The following PPP1R36 variants were observed in gnomAD, a reference collection of about 807,000 sequenced individuals.
PPP1R36 encodes protein phosphatase 1 regulatory subunit 36.
Under a neutral mutation model 53.4 loss-of-function variants are expected in PPP1R36, and 47 were observed. The observed-to-expected ratio is 0.88, with a 90% CI of 0.70 to 1.12. The LOEUF (loss-of-function observed/expected upper bound fraction) is 1.12. Ranked by LOEUF, PPP1R36 falls within the 50% of genes most tolerant of loss-of-function variation. The probability of loss-of-function intolerance (pLI) is 0.00; values close to 1 mark genes in which losing one functional copy is unlikely to be tolerated. For missense variants in PPP1R36, 456 were observed against 513.9 expected, an observed-to-expected ratio of 0.89 and a Z score of 1.09; for synonymous variants, 153 against 170.5, an observed-to-expected ratio of 0.90 and a Z score of 0.80.
At chr14:64,586,590 T>C (rs1225485102) in intron 8 of PPP1R36, 1 of 358,280 alleles carries the variant, frequency 2.8e-6, no homozygotes. Context: ...ATTTCCTCAC[T>C]GGTTTGTTTA....
Position 64,564,901 on chromosome 14 carries a change from C to G in PPP1R36, c.269+64C>G, listed in dbSNP as rs1002911217. 7.6e-6 allele frequency: 8 copies of G among 1,059,540 alleles called. No homozygotes were observed. In the African/African-American group the frequency reaches 1.3e-4, roughly 17 times the overall value. The allele number at this position is 1,059,540 out of a possible 1,614,324, so 65.6% of individuals were successfully genotyped here. A position where few individuals can be genotyped will look rare whatever the true frequency, so the allele number is the denominator to read the frequency against. On this transcript the variant is annotated intron_variant, in intron 4 of 11. Transcript: ENST00000298705. ...CATCTCTCAGTGGAATGGCTTCAGC[C>G]TTTACAAACTACGAAAATACCATTC...
At position 64,587,236 on chromosome 14, in the gene PPP1R36, C is replaced by T. The variant is rs186658496; in HGVS notation, c.754C>T (p.Arg252Ter). The T allele has an allele frequency of 9.6e-5, 155 of 1,613,058 alleles. No individual in the cohort carries two copies. In the East Asian group the frequency reaches 1.3e-3, roughly 13 times the overall value. The change falls in exon 10 of 12, where the codon CGA becomes TGA. Residue 252 changes from arginine to a stop codon, truncating the protein, a stop_gained. Coordinates refer to ENST00000298705, the MANE Select transcript of PPP1R36 (RefSeq NM_172365.3). LOFTEE classifies it high-confidence loss of function. ...FCTYVAWIVF[R>*]RQHLTEIEEE... is the part of the protein sequence containing the mutation. Reference sequence around the variant, plus strand: ...TACATATGTGGCTTGGATTGTCTTCCGACGTCAACACTTGACAGAGATTGA... The same window carrying T: ...TACATATGTGGCTTGGATTGTCTTCTGACGTCAACACTTGACAGAGATTGA...
intron 8 of PPP1R36, chr14:64,586,446 T>C (rs2080434593): frequency 6.2e-6 from 1 of 160,014 alleles, no homozygotes; most frequent in South Asian, 2.0e-4. Context: ...CCAATAGCCA[T>C]AACTATTGTT....
chr14:64,570,241 T>A (rs1366898462), intron 7 of PPP1R36, among the ~76,000 whole-genome samples: 4 of 152,002 alleles, frequency 2.6e-5, no homozygotes, highest in Admixed American at 2.6e-4. Context: ...CCCAACACTT[T>A]GGGAGGCCAA....
Position 64,568,275 on chromosome 14 carries a change from T to C in PPP1R36, c.435-74T>C. The C allele has an allele frequency of 8.6e-6, 5 of 583,960 alleles. No homozygotes were observed. The South Asian group carries it at 1.5e-4, about 18-fold the overall frequency. The allele number at this position is 583,960 out of a possible 1,614,324, so 36.2% of individuals were successfully genotyped here. On this transcript the variant is annotated intron_variant, in intron 6 of 11. Transcript: ENST00000298705. Reference sequence around the variant, plus strand: ...TATTCTTGTGTTGTGTGCTCATATATTTTTTATGAGAAATCTTACATTTGA... The same window carrying C: ...TATTCTTGTGTTGTGTGCTCATATACTTTTTATGAGAAATCTTACATTTGA...
At chr14:64,587,121 G>C in intron 9 of PPP1R36, 73 bp from the exon 10 acceptor site, 1 of 1,193,384 alleles carries the variant, frequency 8.4e-7, no homozygotes, top group Non-Finnish European at 1.2e-6. Context: ...CTGCTTAGCT[G>C]TGTTATACAG....
Position 64,574,439 on chromosome 14 carries a change from T to A in PPP1R36, c.534-16T>A. On this transcript the variant is annotated splice_polypyrimidine_tract_variant and intron_variant, in intron 7 of 11. Transcript: ENST00000298705. ...ACAATTAACCCAAATTCTCTTTTTT[T>A]TGTCCTCCCCATCAGAGGCCTTGTA... 1 of 1,591,732 alleles carries A rather than the reference T, an allele frequency of 6.3e-7. No individual in the cohort carries two copies.
chr14:64,570,116 G>A (rs1384447308), intron 7 of PPP1R36, among the ~76,000 whole-genome samples: 2 of 152,084 alleles, frequency 1.3e-5, no homozygotes. Flanking sequence ...AGAACACAGT[G>A]GTATAAGGTA....
chr14:64,579,048 C>T (rs543576330), intron 8 of PPP1R36, among the ~76,000 whole-genome samples: 2 of 152,024 alleles, frequency 1.3e-5, no homozygotes, highest in South Asian at 2.1e-4. Flanking sequence ...ATTTATAAGT[C>T]GGAGCTAAAT....
intron 3 of PPP1R36, among the ~76,000 whole-genome samples, chr14:64,560,946 T>C (rs746767309): frequency 7.2e-5 from 11 of 152,100 alleles, no homozygotes; most frequent in Non-Finnish European, 1.5e-4. Flanking sequence ...AGAATGACCA[T>C]ATGAAGCTCT....
At chr14:64,566,901 TTTTCTACAC>T (rs2080262611) in intron 6 of PPP1R36, among the ~76,000 whole-genome samples, 1 of 152,234 alleles carries the variant, frequency 6.6e-6, no homozygotes, top group South Asian at 2.1e-4. Flanking sequence ...TCTTGAGATG[TTTTCTACAC>T]TGTCTCCCAG....
At chr14:64,564,623 A>AT (rs2080233981) in intron 3 of PPP1R36, 128 bp from the exon 4 acceptor site, 1 of 584,660 alleles carries the variant, frequency 1.7e-6, no homozygotes, top group Non-Finnish European at 2.9e-6. Context: ...AAATAGATGA[A>AT]TTGAACACTG....
intron 7 of PPP1R36, among the ~76,000 whole-genome samples, chr14:64,569,715 A>G (rs1215776789): frequency 6.6e-6 from 1 of 151,992 alleles, no homozygotes; most frequent in East Asian, 1.9e-4. Context: ...ATCTGGCAAA[A>G]AGATTTGTTT....
chr14:64,553,884 G>C (rs1480167234), intron 3 of PPP1R36, among the ~76,000 whole-genome samples: 2 of 151,644 alleles, frequency 1.3e-5, no homozygotes, highest in African/African-American at 4.8e-5. Flanking sequence ...CACAAACTGG[G>C]GGGCCGTTAA....
chr14:64,558,516 C>G (rs1200488695), intron 3 of PPP1R36, among the ~76,000 whole-genome samples: 1 of 151,760 alleles, frequency 6.6e-6, no homozygotes, highest in Non-Finnish European at 1.5e-5. Context: ...AAAGTTGAGG[C>G]TGTGGTGAGC....
At chr14:64,558,605 A>G (rs1255830382) in intron 3 of PPP1R36, among the ~76,000 whole-genome samples, 1 of 151,814 alleles carries the variant, frequency 6.6e-6, no homozygotes, top group Non-Finnish European at 1.5e-5. Context: ...AAACCCCCAA[A>G]ATAGAGTACT....
rs1334685856 is a variant in PPP1R36 at position 64,588,112 on chromosome 14, T to C, written c.899T>C (p.Met300Thr). ...RMTFVQFRRM[M>T]AKRPAIKKAI... ...ACCTTCCTCCCCGACAGGAGAATGATGGCAAAACGCCCAGCAATTAAAAAA... is the reference window on the plus strand; with the variant it reads ...ACCTTCCTCCCCGACAGGAGAATGACGGCAAAACGCCCAGCAATTAAAAAA... Residue 300 changes from methionine (M) to threonine (T), a missense_variant, in exon 11 of 12, where the codon ATG (methionine) becomes ACG (threonine). Transcript: ENST00000298705. 2.5e-6 allele frequency: 4 copies of C among 1,599,150 alleles called. No homozygotes were observed. Among genetic ancestry groups the C allele is most frequent in the Admixed American group, 1.7e-5 (1 of 58,388 alleles).
At chr14:64,552,143 T>A (rs1293531202) in intron 2 of PPP1R36, among the ~76,000 whole-genome samples, 3 of 152,208 alleles carry the variant, frequency 2.0e-5, no homozygotes, top group African/African-American at 7.2e-5. Context: ...GGTGTCTGAC[T>A]TGGGTGATCA....
At chr14:64,554,139 A>ATTT (rs1235272685) in intron 3 of PPP1R36, among the ~76,000 whole-genome samples, 1 of 109,014 alleles carries the variant, frequency 9.2e-6, no homozygotes. Context: ...TCCCATCACA[A>ATTT]TTGTTTTTTT....
Sources: gnomAD v4.1 joint callset for allele counts (sites outside exome capture counted in the v4.1 genomes callset) on GRCh38, gnomAD v4.1.1 for gene constraint, MANE v1.5 for transcripts, NCBI Gene and HGNC (gene_info 2026-07-23, HGNC 2026-07-21) for gene names.